Variants in STIL observed in about 807,000 individuals in gnomAD.
STIL encodes the protein SCL-interrupting locus protein.
STIL carries 55 observed loss-of-function variants against 110.1 expected under a neutral mutation model. The ratio of observed to expected loss-of-function variants is 0.50; its 90% CI spans 0.40 to 0.63. The LOEUF (loss-of-function observed/expected upper bound fraction) is 0.63, where lower values mean the gene tolerates loss of function less well. Ranked by LOEUF, STIL falls within the 20% of genes least tolerant of loss-of-function variation. The probability of loss-of-function intolerance (pLI) is 0.00; values close to 1 mark genes in which losing one functional copy is unlikely to be tolerated. For synonymous variants in STIL, 481 were observed against 530.0 expected, an observed-to-expected ratio of 0.91 and a Z score of 1.27; for missense variants, 1,358 against 1,530.0, an observed-to-expected ratio of 0.89 and a Z score of 1.87.
rs867777920 is a variant in STIL, at chr1:47,251,257, T to C, written c.3746A>G (p.Asp1249Gly). ...TQHPEKENEG[D>G]ITIFPESLQP... Reference sequence around the variant, plus strand: ...CAAACTTTCAGGAAAAATTGTAATGTCCCCTTCATTTTCTTTCTCAGGATG... The same window carrying C: ...CAAACTTTCAGGAAAAATTGTAATGCCCCCTTCATTTTCTTTCTCAGGATG... The change falls in exon 17 of 17, where the codon GAC becomes GGC. Residue 1249 changes from aspartate (D) to glycine (G), a missense_variant. By Grantham distance (94) the Asp-to-Gly change is moderately conservative (BLOSUM62 -1). Transcript: ENST00000371877. 3 of 1,612,210 alleles carry C rather than the reference T, an allele frequency of 1.9e-6. No individual in the cohort carries two copies. The highest frequency in any genetic ancestry group is 1.7e-4 in the Middle Eastern group (1 of 6,054).
intron 2 of STIL, among the ~76,000 whole-genome samples, chr1:47,307,921 G>C (rs1646011097): frequency 6.6e-6 from 1 of 152,292 alleles, no homozygotes; most frequent in East Asian, 1.9e-4. Flanking sequence ...ATAAACTCCA[G>C]TCTCCCATAG....
rs765585891 is a variant in STIL, at chr1:47,260,558, A to T, written c.2830-19T>A. On this transcript the variant is annotated intron_variant, in intron 15 of 16. Transcript: ENST00000371877. ...CTTGACCCTGACAAAAAGAAAAAAAATTTTTTTGAAAAATCACTATTAACA... is the reference window on the plus strand; with the variant it reads ...CTTGACCCTGACAAAAAGAAAAAAATTTTTTTTGAAAAATCACTATTAACA... 53 of 1,613,392 alleles carry T rather than the reference A, an allele frequency of 3.3e-5. No individual in the cohort carries two copies. In the Admixed American group the frequency reaches 6.3e-4, roughly 19 times the overall value.
chr1:47,269,627 G>C lies in STIL; in HGVS notation c.2615+8C>G, dbSNP rs761325409. 2 of 1,612,706 alleles carry C rather than the reference G, an allele frequency of 1.2e-6. No homozygotes were observed. The highest frequency in any genetic ancestry group is 1.7e-6 in the Non-Finnish European group (2 of 1,178,832). On this transcript the variant is annotated splice_region_variant and intron_variant, in intron 14 of 16. Transcript: ENST00000371877. The stretch of plus-strand genomic sequence containing the variant: ...GTAGGATGAAAGACTAAATCAAAGA[G>C]ACCTTACTTGGATACAGAAAGTGGC...
chr1:47,281,581 T>G, intron 11 of STIL, among the ~76,000 whole-genome samples: 1 of 152,168 alleles, frequency 6.6e-6, no homozygotes, highest in Non-Finnish European at 1.5e-5. Flanking sequence ...ACAAGCAGAA[T>G]GTTTTCACAG....
intron 12 of STIL, among the ~76,000 whole-genome samples, chr1:47,275,025 G>A (rs1253871525): frequency 1.3e-5 from 2 of 151,688 alleles, no homozygotes; most frequent in Non-Finnish European, 2.9e-5. Flanking sequence ...GGTGGCACAC[G>A]GCTGCAATCC....
intron 7 of STIL, among the ~76,000 whole-genome samples, chr1:47,294,308 A>G (rs1645579311): frequency 6.6e-6 from 1 of 152,228 alleles, no homozygotes; most frequent in Non-Finnish European, 1.5e-5. Context: ...CTGTGTATGA[A>G]TATTTGAATG....
At chr1:47,292,393 G>GA (rs1371585850) in intron 8 of STIL, among the ~76,000 whole-genome samples, 1 of 151,866 alleles carries the variant, frequency 6.6e-6, no homozygotes, top group Non-Finnish European at 1.5e-5. Flanking sequence ...CTTTGGCCTA[G>GA]AAAAAAACAC....
Position 47,260,539 on chromosome 1 carries a change from C to T in STIL, c.2830G>A (p.Gly944Ser), listed in dbSNP as rs1185632394. The T allele has an allele frequency of 1.2e-6, 2 of 1,613,962 alleles. No individual in the cohort carries two copies. Among genetic ancestry groups the T allele is most frequent in the South Asian group, 1.1e-5 (1 of 91,066 alleles). Residue 944 changes from glycine to serine, a missense_variant and splice_region_variant, in exon 16 of 17, where the codon GGT becomes AGT. By Grantham distance (56) the Gly-to-Ser change is moderately conservative (BLOSUM62 0). Coordinates refer to ENST00000371877, the MANE Select transcript of STIL (RefSeq NM_001048166.1). ...DNQKIYQDLL[G>S]QVNHLLNSSS... ...CTATTTAATAGGTGGTTTACTTGAC[C>T]CTGACAAAAAGAAAAAAAATTTTTT...
At position 47,301,544 on chromosome 1, in the gene STIL, T is replaced by G. The variant is rs770923483; in HGVS notation, c.453+17A>C. The G allele has an allele frequency of 1.9e-6, 3 of 1,609,592 alleles. No individual in the cohort carries two copies. The African/African-American group carries it at 4.0e-5, about 22-fold the overall frequency. ...TTCTTGTGTTGAATTAACTATCAAG[T>G]TGTCAATGAATCGCACCTTTAAAGC... is the stretch of plus-strand genomic sequence containing the variant. On this transcript the variant is annotated intron_variant, in intron 5 of 16. Transcript: ENST00000371877.
upstream of STIL, among the ~76,000 whole-genome samples, chr1:47,314,693 T>C (rs914103531): frequency 2.6e-5 from 4 of 152,068 alleles, no homozygotes; most frequent in Non-Finnish European, 5.9e-5. Context: ...TTTCTTCCAG[T>C]TTCTTTCCTA....
At chr1:47,254,810 C>T (rs1557699681) in intron 16 of STIL, among the ~76,000 whole-genome samples, 1 of 152,204 alleles carries the variant, frequency 6.6e-6, no homozygotes, top group East Asian at 1.9e-4. Context: ...GCTGGGATAA[C>T]AGGCATGAGA....
chr1:47,301,803 C>A, intron 4 of STIL, 55 bp from the exon 5 acceptor site: 1 of 1,548,160 alleles, frequency 6.5e-7, no homozygotes, highest in South Asian at 1.1e-5. Flanking sequence ...AACATAAAAT[C>A]AACCAAGCAA....
chr1:47,292,589 G>A lies in STIL; in HGVS notation c.872+869C>T, dbSNP rs372298693. ...ATGCCAAGAGGTAATGATCTCCAAG[G>A]TATAATTTATACAGAAAAAAGCAAC... is the stretch of plus-strand genomic sequence containing the variant. On this transcript the variant is annotated intron_variant, in intron 8 of 16. Transcript: ENST00000371877. 2.4e-3 allele frequency among the ~76,000 whole-genome samples: 371 copies of A among 152,150 alleles called. 1 individual carries two copies. Among genetic ancestry groups the A allele is most frequent in the South Asian group, 0.019 (93 of 4,816 alleles).
rs768234928 is a variant in STIL at position 47,281,087 on chromosome 1, G to A, written c.1371C>T (p.Asn457=). The change falls in exon 12 of 17, where the codon AAC becomes AAT. Residue 457 remains asparagine, a synonymous_variant. Coordinates refer to ENST00000371877, the MANE Select transcript of STIL (RefSeq NM_001048166.1). ...MVNNENPPLI[N]HLEHLKPLQP... ...GCAATGGCTTCAAGTGTTCCAAGTG[G>A]TTAATCAAAGGAGGATTTTCATTAT... 6 of 1,614,032 alleles carry A rather than the reference G, an allele frequency of 3.7e-6. No individual in the cohort carries two copies. Among genetic ancestry groups the A allele is most frequent in the Non-Finnish European group, 5.1e-6 (6 of 1,180,022 alleles).
chr1:47,305,273 G>C (rs1170846232), intron 2 of STIL: 2 of 329,346 alleles, frequency 6.1e-6, no homozygotes, highest in Non-Finnish European at 1.1e-5. Flanking sequence ...TTACAGGAGT[G>C]CACCACCACA....
rs1020422867 is a variant in STIL, at chr1:47,260,286, T to C, written c.3080+3A>G. On this transcript the variant is annotated splice_donor_region_variant and intron_variant, in intron 16 of 16. Transcript: ENST00000371877. Reference sequence around the variant, plus strand: ...CTCTTTAAAACAAAATTTTAAAAGTTACCTGGCGTGATCCACGTTATGTGC... The same window carrying C: ...CTCTTTAAAACAAAATTTTAAAAGTCACCTGGCGTGATCCACGTTATGTGC... 3 of 1,610,866 alleles carry C rather than the reference T, an allele frequency of 1.9e-6. No individual in the cohort carries two copies. The highest frequency in any genetic ancestry group is 2.2e-5 in the East Asian group (1 of 44,856).
chr1:47,313,513 C>T (rs1222692865), intron 1 of STIL, among the ~76,000 whole-genome samples: 1 of 152,072 alleles, frequency 6.6e-6, no homozygotes, highest in East Asian at 1.9e-4. Context: ...AGGATGCCTC[C>T]CTTAACTTGG....
chr1:47,263,813 C>T (rs1195953455), intron 14 of STIL, among the ~76,000 whole-genome samples: 1 of 131,522 alleles, frequency 7.6e-6, no homozygotes, highest in Non-Finnish European at 1.5e-5. Flanking sequence ...AATGTAGTGG[C>T]GTCATCTCGG....
chr1:47,312,341 T>A (rs955479836), intron 1 of STIL, among the ~76,000 whole-genome samples: 3 of 151,632 alleles, frequency 2.0e-5, no homozygotes, highest in African/African-American at 7.3e-5. Context: ...ATACAAAAAA[T>A]TAGTGGGGTG....
Sources: allele counts gnomAD v4.1 joint callset (sites outside exome capture counted in the v4.1 genomes callset), GRCh38; gene constraint gnomAD v4.1.1; transcripts MANE v1.5; gene names NCBI Gene and HGNC (gene_info 2026-07-23, HGNC 2026-07-21).